The following ROBO1 variants were observed in gnomAD, a reference collection of about 807,000 sequenced individuals.
ROBO1 encodes the protein roundabout guidance receptor 1, also known as roundabout homolog 1.
In ROBO1, 149 loss-of-function variants were observed where a neutral mutation model predicts 195.9. The observed-to-expected ratio is 0.76, with a 90% CI of 0.67 to 0.87. ROBO1 has a LOEUF of 0.87. Ranked by LOEUF, ROBO1 falls within the 40% of genes least tolerant of loss-of-function variation. ROBO1 has a pLI of 0.00. For synonymous variants in ROBO1, 816 were observed against 733.2 expected (o/e 1.11, Z -1.82); for missense variants, 1,933 against 2,068.3 (o/e 0.93, Z 1.27).
At chr3:79,088,722 T>C (rs967483993) in intron 3 of ROBO1, among the ~76,000 whole-genome samples, 1 of 152,120 alleles carries the variant, frequency 6.6e-6, no homozygotes, top group Non-Finnish European at 1.5e-5. Flanking sequence ...AGAAGAATTA[T>C]CTGGCTTGTA....
At chr3:79,564,484 C>T (rs1269980577) in intron 2 of ROBO1, among the ~76,000 whole-genome samples, 1 of 151,976 alleles carries the variant, frequency 6.6e-6, no homozygotes, top group Non-Finnish European at 1.5e-5. Flanking sequence ...AATTTTCAGT[C>T]AAAAGAAAGT....
chr3:79,560,526 T>C (rs1455830594), intron 2 of ROBO1, among the ~76,000 whole-genome samples: 1 of 127,268 alleles, frequency 7.9e-6, no homozygotes, highest in Non-Finnish European at 1.6e-5. Context: ...TAAAGTATAA[T>C]AATAATAATT....
At chr3:79,402,999 T>C (rs1213470008) in intron 2 of ROBO1, among the ~76,000 whole-genome samples, 2 of 151,938 alleles carry the variant, frequency 1.3e-5, no homozygotes, top group Admixed American at 6.6e-5. Context: ...GCTACATTGC[T>C]ACTGTATGGT....
chr3:79,621,851 A>T (rs1348982732), intron 1 of ROBO1, among the ~76,000 whole-genome samples: 1 of 152,216 alleles, frequency 6.6e-6, no homozygotes, highest in Non-Finnish European at 1.5e-5. Flanking sequence ...GCAATTGCGC[A>T]GTTGAGACTA....
intron 2 of ROBO1, among the ~76,000 whole-genome samples, chr3:79,569,719 A>G (rs144740485): frequency 0.019 from 2,922 of 150,326 alleles, 83 homozygotes; most frequent in African/African-American, 0.066. Flanking sequence ...GTATATATAT[A>G]TGTGTGTGTA....
Position 79,266,473 on chromosome 3 carries a change from A to C in ROBO1, c.89-140934T>G, listed in dbSNP as rs191722581. On this transcript the variant is annotated intron_variant, in intron 2 of 30. Coordinates refer to ENST00000464233, the MANE Select transcript of ROBO1 (RefSeq NM_002941.4). ...TTAGCTACAGAATACTGACCTGTGGATCTATTTTCTTCTCTCTGTGTGGTG... is the reference window on the plus strand; with the variant it reads ...TTAGCTACAGAATACTGACCTGTGGCTCTATTTTCTTCTCTCTGTGTGGTG... Among the ~76,000 whole-genome samples, 433 of 151,648 alleles carry C rather than the reference A, an allele frequency of 2.9e-3. 4 individuals are homozygous for C. The highest frequency in any genetic ancestry group is 8.9e-3 in the African/African-American group (371 of 41,494).
At chr3:78,926,507 G>A (rs555670385) in intron 4 of ROBO1, among the ~76,000 whole-genome samples, 1 of 152,284 alleles carries the variant, frequency 6.6e-6, no homozygotes, top group African/African-American at 2.4e-5. Context: ...TTCTGGTCTG[G>A]AGGGTTGGAT....
intron 2 of ROBO1, among the ~76,000 whole-genome samples, chr3:79,529,922 G>A (rs1038821078): frequency 6.6e-6 from 1 of 152,056 alleles, no homozygotes; most frequent in Non-Finnish European, 1.5e-5. Context: ...TGGATCCACA[G>A]GCACCTGTTT....
intron 3 of ROBO1, among the ~76,000 whole-genome samples, chr3:79,030,334 G>A (rs2078272336): frequency 6.6e-6 from 1 of 152,166 alleles, no homozygotes. Context: ...AAGGGATACT[G>A]CTAAACATCT....
rs193286207 is a variant in ROBO1, at chr3:79,617,775, G to A, written c.-50-27814C>T. 4.5e-5 allele frequency among the ~76,000 whole-genome samples: 6 copies of A among 133,126 alleles called. No individual in the cohort carries two copies. The East Asian group carries it at 1.1e-3, about 25-fold the overall frequency. 87.3% of individuals were successfully genotyped at this position (133,126 alleles called of 152,430 possible). A position where few individuals can be genotyped will look rare whatever the true frequency, so the allele number is the denominator to read the frequency against. On this transcript the variant is annotated intron_variant, in intron 1 of 30. Transcript: ENST00000464233. ...TGTAAGAAAGCTCAATGAGATGCAA[G>A]AGGCCACTGCACTCCAGCCTAAGTG... is the stretch of plus-strand genomic sequence containing the variant.
chr3:79,384,114 A>G (rs1292073718), intron 2 of ROBO1, among the ~76,000 whole-genome samples: 2 of 152,046 alleles, frequency 1.3e-5, no homozygotes, highest in Non-Finnish European at 2.9e-5. Context: ...TGATGCCAAG[A>G]AGAAAATATT....
At chr3:79,086,562 C>A (rs1459922277) in intron 3 of ROBO1, among the ~76,000 whole-genome samples, 1 of 152,058 alleles carries the variant, frequency 6.6e-6, no homozygotes, top group Non-Finnish European at 1.5e-5. Flanking sequence ...ATAAGCTGCC[C>A]AGACAGCTGA....
chr3:78,986,384 C>T (rs911094278), intron 3 of ROBO1, among the ~76,000 whole-genome samples: 1 of 151,956 alleles, frequency 6.6e-6, no homozygotes, highest in African/African-American at 2.4e-5. Flanking sequence ...AAGAATAAAA[C>T]CTTTTTTTTT....
Position 79,165,792 on chromosome 3 carries a change from T to C in ROBO1, c.89-40253A>G, listed in dbSNP as rs190576783. Among the ~76,000 whole-genome samples, 1,359 of 152,330 alleles carry C rather than the reference T, an allele frequency of 8.9e-3. 20 individuals are homozygous for C. Among genetic ancestry groups the C allele is most frequent in the African/African-American group, 0.031 (1,282 of 41,572 alleles). On this transcript the variant is annotated intron_variant, in intron 2 of 30. Transcript: ENST00000464233. The stretch of plus-strand genomic sequence containing the variant: ...GCTTGGATAGGCTTCAATCCCCAGA[T>C]AGCCAACCCAATACTAATCTGGGAG...
At chr3:79,010,941 G>A (rs1179903935) in intron 3 of ROBO1, among the ~76,000 whole-genome samples, 1 of 152,108 alleles carries the variant, frequency 6.6e-6, no homozygotes, top group Non-Finnish European at 1.5e-5. Flanking sequence ...TTTAGAAAGT[G>A]GTCGTTCTAC....
At chr3:79,457,402 T>G (rs956795602) in intron 2 of ROBO1, among the ~76,000 whole-genome samples, 5 of 152,026 alleles carry the variant, frequency 3.3e-5, no homozygotes, top group African/African-American at 1.2e-4. Context: ...TGTGCGTGTG[T>G]GTGTGTGTGT....
chr3:79,394,846 T>C (rs2037081464), intron 2 of ROBO1, among the ~76,000 whole-genome samples: 1 of 152,186 alleles, frequency 6.6e-6, no homozygotes, highest in Non-Finnish European at 1.5e-5. Context: ...GTTAATTCAG[T>C]TGATGTTATT....
Position 79,377,098 on chromosome 3 carries a change from G to T in ROBO1, c.88+212726C>A, listed in dbSNP as rs147367054. On this transcript the variant is annotated intron_variant, in intron 2 of 30. Transcript: ENST00000464233. ...GAAGGCAAGTTTTTCAAGCCACTGA[G>T]AAACATAACACCTACTTATTGTATT... Among the ~76,000 whole-genome samples the T allele has an allele frequency of 4.0e-3, 610 of 151,932 alleles. 2 individuals are homozygous for T. The highest frequency in any genetic ancestry group is 0.014 in the African/African-American group (580 of 41,444).
At chr3:79,471,898 A>G (rs1938297331) in intron 2 of ROBO1, among the ~76,000 whole-genome samples, 1 of 151,342 alleles carries the variant, frequency 6.6e-6, no homozygotes, top group African/African-American at 2.4e-5. Flanking sequence ...GAACATATGG[A>G]CATATGGAGA....
Sources: allele counts gnomAD v4.1 joint callset (sites outside exome capture counted in the v4.1 genomes callset), GRCh38; gene constraint gnomAD v4.1.1; transcripts MANE v1.5; gene names NCBI Gene and HGNC (gene_info 2026-07-23, HGNC 2026-07-21).